The following PIGH variants were observed in gnomAD, a reference collection of about 807,000 sequenced individuals.
The protein encoded by PIGH is phosphatidylinositol glycan anchor biosynthesis class H.
Under a neutral mutation model 20.1 loss-of-function variants are expected in PIGH, and 11 were observed. The observed-to-expected ratio is 0.55, with a 90% CI of 0.34 to 0.91. The LOEUF is 0.91. PIGH is among the 40% of genes least tolerant of loss of function. The pLI, the probability that PIGH is intolerant of heterozygous loss-of-function variation, is 0.02. For missense variants in PIGH, 189 were observed against 233.6 expected, an observed-to-expected ratio of 0.81 and a Z score of 1.24; for synonymous variants, 72 against 93.1, an observed-to-expected ratio of 0.77 and a Z score of 1.31.
chr14:67,593,459 C>A (rs541838988), intron 2 of PIGH: 15 of 346,440 alleles, frequency 4.3e-5, no homozygotes, highest in South Asian at 4.1e-4. Context: ...CCACTGCACT[C>A]CAGCCTGGGC....
intron 1 of PIGH, among the ~76,000 whole-genome samples, chr14:67,594,445 G>A (rs1005490738): frequency 1.3e-5 from 2 of 151,998 alleles, no homozygotes; most frequent in Admixed American, 6.6e-5. Flanking sequence ...TCAAGAGATC[G>A]AGACCATCCT....
At chr14:67,591,624 T>C (rs1326015677) in intron 3 of PIGH, among the ~76,000 whole-genome samples, 2 of 152,148 alleles carry the variant, frequency 1.3e-5, no homozygotes, top group African/African-American at 2.4e-5. Context: ...CTTGACCTCC[T>C]GGGCTCAAGC....
In PIGH at chr14:67,596,227, C is replaced by T. The variant is rs1337098768; in HGVS notation, c.181-2275G>A. 7.4e-5 allele frequency among the ~76,000 whole-genome samples: 11 copies of T among 149,030 alleles called. No individual in the cohort carries two copies. In the South Asian group the frequency reaches 2.1e-3, roughly 29 times the overall value. ...CACTGCAACCTCCACCTCCCGGGTT[C>T]AAGTGATTCTCCTGCCTCAGCCTCC... On this transcript the variant is annotated intron_variant, in intron 1 of 3. Transcript: ENST00000216452.
At chr14:67,599,951 C>A in intron 1 of PIGH, 73 bp downstream of exon 1, 5 of 1,324,250 alleles carry the variant, frequency 3.8e-6, no homozygotes, top group Admixed American at 2.5e-5. Context: ...CCGGGCTCGA[C>A]CAAAGACCCC....
rs1421770795 is a variant in PIGH at position 67,593,964 on chromosome 14, G to A, written c.181-12C>T. On this transcript the variant is annotated splice_polypyrimidine_tract_variant and intron_variant, in intron 1 of 3. Coordinates refer to ENST00000216452, the MANE Select transcript of PIGH (RefSeq NM_004569.5). ...AGGATCATGCTGTTCTGAAGAGAGA[G>A]CCAGACACAGACAGTAAGATTACCA... is the stretch of plus-strand genomic sequence containing the variant. 1 of 1,578,944 alleles carries A rather than the reference G, an allele frequency of 6.3e-7. No homozygotes were observed. The highest frequency in any genetic ancestry group is 2.2e-5 in the East Asian group (1 of 44,456).
At chr14:67,594,010 G>C (rs1196431315) in intron 1 of PIGH, 58 bp from the exon 2 acceptor site, 5 of 1,108,954 alleles carry the variant, frequency 4.5e-6, no homozygotes, top group Non-Finnish European at 1.4e-6. Context: ...GTCAACTCCA[G>C]GCAATGAGGG....
At chr14:67,590,247 A>C in intron 3 of PIGH, 75 bp from the exon 4 acceptor site, 1 of 1,154,648 alleles carries the variant, frequency 8.7e-7, no homozygotes, top group Non-Finnish European at 1.2e-6. Flanking sequence ...ATCCACTTGC[A>C]AATTTTTTTT....
intron 1 of PIGH, among the ~76,000 whole-genome samples, chr14:67,599,547 C>CTA (rs1306648431): frequency 1.1e-4 from 17 of 152,198 alleles, no homozygotes; most frequent in Non-Finnish European, 2.2e-4. Flanking sequence ...AACACTCTAT[C>CTA]TATACACACA....
intron 1 of PIGH, among the ~76,000 whole-genome samples, chr14:67,595,356 A>T (rs1040932312): frequency 6.6e-6 from 1 of 152,184 alleles, no homozygotes; most frequent in Non-Finnish European, 1.5e-5. Flanking sequence ...TTTCCGCATC[A>T]TCCTAAAGTC....
At chr14:67,597,513 A>T (rs935849981) in intron 1 of PIGH, among the ~76,000 whole-genome samples, 1 of 152,062 alleles carries the variant, frequency 6.6e-6, no homozygotes, top group African/African-American at 2.4e-5. Context: ...AAAAAAAAAA[A>T]AGTTTGCTTA....
At chr14:67,592,120 T>C (rs1340269275) in intron 3 of PIGH, 1 of 175,108 alleles carries the variant, frequency 5.7e-6, no homozygotes, top group Non-Finnish European at 1.2e-5. Flanking sequence ...GAAGTTGCTA[T>C]ATATTTGATT....
At position 67,600,168 on chromosome 14, in the gene PIGH, GCCGCA is replaced by G; in HGVS notation, c.31_35del (p.Cys11ArgfsTer74). Reference sequence around the variant, plus strand: ...AGCGGCGCTGCAGCGCCAGGCGGCCGCCGCAGATATCCGAAAAGCTCCGCTCATCC... The same window carrying G: ...AGCGGCGCTGCAGCGCCAGGCGGCCGGATATCCGAAAAGCTCCGCTCATCC... On this transcript the variant is annotated frameshift_variant, in exon 1 of 4. Coordinates refer to ENST00000216452, the MANE Select transcript of PIGH (RefSeq NM_004569.5). LOFTEE classifies it high-confidence loss of function. The G allele has an allele frequency of 6.3e-7, 1 of 1,589,840 alleles. No homozygotes were observed. Among genetic ancestry groups the G allele is most frequent in the Non-Finnish European group, 8.6e-7 (1 of 1,169,040 alleles).
Position 67,593,565 on chromosome 14 carries a change from T to C in PIGH, c.390+178A>G, listed in dbSNP as rs1232751055. On this transcript the variant is annotated intron_variant, in intron 2 of 3. Coordinates refer to ENST00000216452, the MANE Select transcript of PIGH (RefSeq NM_004569.5). Reference sequence around the variant, plus strand: ...ATAATTTTGAAGTTGGTCTTGAAGATAAAGTTGAAATGCTAATTCCCTATC... The same window carrying C: ...ATAATTTTGAAGTTGGTCTTGAAGACAAAGTTGAAATGCTAATTCCCTATC... The C allele has an allele frequency of 5.3e-6, 3 of 567,498 alleles. No homozygotes were observed. In the African/African-American group the frequency reaches 5.7e-5, roughly 11 times the overall value. The allele number at this position is 567,498 out of a possible 1,614,324, so 35.2% of individuals were successfully genotyped here. A position where few individuals can be genotyped will look rare whatever the true frequency, so the allele number is the denominator to read the frequency against.
rs548133955 is a variant in PIGH at position 67,600,268 on chromosome 14, C to A, written c.-65G>T. On this transcript the variant is annotated 5_prime_UTR_variant, in exon 1 of 4. Transcript: ENST00000216452. ...CTGCGCTCGCCGGCCCTGGCCGTCT[C>A]GCCCGCTCCAGACCCGCTTCCGGCA... 3.7e-6 allele frequency: 5 copies of A among 1,368,850 alleles called. 1 individual carries two copies. In the East Asian group the frequency reaches 8.1e-5, roughly 22 times the overall value. 84.8% of individuals were successfully genotyped at this position (1,368,850 alleles called of 1,614,324 possible).
chr14:67,589,964 C>G lies in PIGH; in HGVS notation c.*116G>C. On this transcript the variant is annotated 3_prime_UTR_variant, in exon 4 of 4. Transcript: ENST00000216452. ...TCTATGGCTCTAAGATGCACTACAT[C>G]CATAATGGTTCCTAGGACTGTGTCC... 1 of 1,381,202 alleles carries G rather than the reference C, an allele frequency of 7.2e-7. No homozygotes were observed. Among genetic ancestry groups the G allele is most frequent in the Non-Finnish European group, 9.4e-7 (1 of 1,063,494 alleles). 85.6% of individuals were successfully genotyped at this position (1,381,202 alleles called of 1,614,324 possible). A position where few individuals can be genotyped will look rare whatever the true frequency, so the allele number is the denominator to read the frequency against.
chr14:67,599,535 A>C (rs10133858), intron 1 of PIGH, among the ~76,000 whole-genome samples: 4,069 of 152,294 alleles, frequency 0.027, 150 homozygotes, highest in African/African-American at 0.087. Flanking sequence ...AGGAAGAACT[A>C]TAACACTCTA....
At chr14:67,597,221 T>C (rs922424662) in intron 1 of PIGH, among the ~76,000 whole-genome samples, 9 of 152,276 alleles carry the variant, frequency 5.9e-5, no homozygotes, top group Non-Finnish European at 1.2e-4. Flanking sequence ...CTCATGCCTA[T>C]AATCCCAACA....
intron 1 of PIGH, among the ~76,000 whole-genome samples, chr14:67,595,308 T>C (rs963518141): frequency 2.0e-5 from 3 of 152,114 alleles, no homozygotes; most frequent in African/African-American, 7.2e-5. Flanking sequence ...TGAAGTACCG[T>C]TCCTACTTGA....
intron 1 of PIGH, among the ~76,000 whole-genome samples, chr14:67,596,574 C>A (rs2036479380): frequency 6.6e-6 from 1 of 152,144 alleles, no homozygotes; most frequent in East Asian, 1.9e-4. Context: ...AAGATGCCCT[C>A]CTTTATCTAC....
Sources: allele counts gnomAD v4.1 joint callset (sites outside exome capture counted in the v4.1 genomes callset), GRCh38; gene constraint gnomAD v4.1.1; transcripts MANE v1.5; gene names NCBI Gene and HGNC (gene_info 2026-07-23, HGNC 2026-07-21).